The following PRKCB variants were observed in gnomAD, a reference collection of about 807,000 sequenced individuals.
The protein encoded by PRKCB is protein kinase C beta.
In PRKCB, 13 loss-of-function variants were observed where a neutral mutation model predicts 81.5. The ratio of observed to expected loss-of-function variants is 0.16; its 90% CI spans 0.10 to 0.25. The LOEUF is 0.25. Among genes scored for constraint, PRKCB ranks in the 10% least tolerant of loss-of-function variants. The pLI is 1.00. For missense variants in PRKCB, 509 were observed against 875.7 expected (o/e 0.58, Z 5.29); for synonymous variants, 335 against 321.4 (o/e 1.04, Z -0.45).
intron 2 of PRKCB, among the ~76,000 whole-genome samples, chr16:23,889,231 T>C (rs1963253312): frequency 6.6e-6 from 1 of 152,144 alleles, no homozygotes; most frequent in South Asian, 2.1e-4. Context: ...GTTATCCTGC[T>C]TAGGTTTGAA....
At position 23,981,675 on chromosome 16, in the gene PRKCB, C is replaced by CCCCTTCCCTTCCCCTTCCCCTT. The variant is rs1275962383; in HGVS notation, c.206-6825_206-6824insTTCCCCTTCCCCTTCCCTTCCC. 7.0e-5 allele frequency among the ~76,000 whole-genome samples: 7 copies of CCCCTTCCCTTCCCCTTCCCCTT among 99,656 alleles called. 1 individual carries two copies. Among genetic ancestry groups the CCCCTTCCCTTCCCCTTCCCCTT allele is most frequent in the African/African-American group, 3.1e-4 (7 of 22,578 alleles). The allele number at this position is 99,656 out of a possible 152,430, so 65.4% of individuals were successfully genotyped here. A position where few individuals can be genotyped will look rare whatever the true frequency, so the allele number is the denominator to read the frequency against. On this transcript the variant is annotated intron_variant, in intron 2 of 16. Coordinates refer to ENST00000643927, the MANE Select transcript of PRKCB (RefSeq NM_002738.7). ...TCCCTTCCTTTTTTCCCTTTCTCTT[C>CCCCTTCCCTTCCCCTTCCCCTT]CCCTTCCCCTTCCCTTCCCCTTCCC...
At chr16:24,124,029 C>T (rs781201941) in intron 9 of PRKCB, 48 bp downstream of exon 9, 2 of 1,607,448 alleles carry the variant, frequency 1.2e-6, no homozygotes, top group Non-Finnish European at 1.7e-6. Flanking sequence ...GAACATCTAA[C>T]AACACAGGCA....
intron 3 of PRKCB, among the ~76,000 whole-genome samples, chr16:23,996,722 G>T (rs1369620186): frequency 6.6e-6 from 1 of 152,176 alleles, no homozygotes; most frequent in Non-Finnish European, 1.5e-5. Context: ...AAAGAGGTGG[G>T]CAGTGAACTC....
chr16:24,172,161 C>A, intron 10 of PRKCB, 109 bp from the exon 11 acceptor site: 1 of 775,210 alleles, frequency 1.3e-6, no homozygotes, highest in South Asian at 1.6e-5. Context: ...AGGGATCTGT[C>A]AGAGAGCCCT....
intron 5 of PRKCB, among the ~76,000 whole-genome samples, chr16:24,078,922 C>A (rs185969285): frequency 2.4e-4 from 37 of 152,254 alleles, no homozygotes; most frequent in African/African-American, 7.9e-4. Flanking sequence ...GCTTCTGGGT[C>A]CCAGGAGGAC....
intron 2 of PRKCB, among the ~76,000 whole-genome samples, chr16:23,950,132 A>AG (rs55986931): frequency 0.031 from 3,020 of 97,752 alleles, 562 homozygotes; most frequent in African/African-American, 0.052. Flanking sequence ...TATGATTTGA[A>AG]TTTTTTTTTT....
At chr16:24,006,266 C>G (rs556664181) in intron 3 of PRKCB, among the ~76,000 whole-genome samples, 1 of 152,336 alleles carries the variant, frequency 6.6e-6, no homozygotes, top group African/African-American at 2.4e-5. Flanking sequence ...ATTGGCCTCT[C>G]TAGCTCAGAG....
chr16:23,891,647 CA>C (rs752128217), intron 2 of PRKCB, among the ~76,000 whole-genome samples: 44 of 152,132 alleles, frequency 2.9e-4, no homozygotes, highest in Non-Finnish European at 5.4e-4. Context: ...CCCAGTTCAA[CA>C]AAGAAGGGTG....
chr16:23,875,642 T>C lies in PRKCB; in HGVS notation c.205+38236T>C, dbSNP rs111778835. On this transcript the variant is annotated intron_variant, in intron 2 of 16. Coordinates refer to ENST00000643927, the MANE Select transcript of PRKCB (RefSeq NM_002738.7). ...CATATATGTATGTATATCACACATA[T>C]ATGTATGTATATCACACATATATAT... 2.7e-3 allele frequency among the ~76,000 whole-genome samples: 252 copies of C among 94,432 alleles called. 23 individuals carry two copies. The highest frequency in any genetic ancestry group is 7.4e-3 in the African/African-American group (183 of 24,572). The allele number at this position is 94,432 out of a possible 152,430, so 62.0% of individuals were successfully genotyped here. A position where few individuals can be genotyped will look rare whatever the true frequency, so the allele number is the denominator to read the frequency against.
chr16:24,122,146 T>C (rs1966805303), intron 8 of PRKCB, among the ~76,000 whole-genome samples: 1 of 152,142 alleles, frequency 6.6e-6, no homozygotes, highest in African/African-American at 2.4e-5. Flanking sequence ...ATGTAGGGTG[T>C]TCAGGGAAGA....
At chr16:23,868,237 G>C (rs1962840413) in intron 2 of PRKCB, among the ~76,000 whole-genome samples, 2 of 152,158 alleles carry the variant, frequency 1.3e-5, no homozygotes, top group South Asian at 4.1e-4. Flanking sequence ...GCAAGGTCAG[G>C]CCATCCCTGT....
chr16:24,216,059 TA>T lies in PRKCB; in HGVS notation c.*1246del, dbSNP rs1278672177. ...CTGCTCTTTTTGAGAAACGTGGACCTAAACTACAAAGTGGGAACTGAGGAGG... is the reference window on the plus strand; with the variant it reads ...CTGCTCTTTTTGAGAAACGTGGACCTAACTACAAAGTGGGAACTGAGGAGG... On this transcript the variant is annotated 3_prime_UTR_variant, in exon 17 of 17. Transcript: ENST00000643927. 2 of 984,752 alleles carry T rather than the reference TA, an allele frequency of 2.0e-6. No individual in the cohort carries two copies. The highest frequency in any genetic ancestry group is 1.1e-4 in the East Asian group (1 of 8,812). 61.0% of individuals were successfully genotyped at this position (984,752 alleles called of 1,614,324 possible). A position where few individuals can be genotyped will look rare whatever the true frequency, so the allele number is the denominator to read the frequency against.
At chr16:24,071,165 C>T (rs949602689) in intron 5 of PRKCB, among the ~76,000 whole-genome samples, 1 of 152,064 alleles carries the variant, frequency 6.6e-6, no homozygotes, top group Non-Finnish European at 1.5e-5. Flanking sequence ...AGGGGAGGAG[C>T]TTAATGACCT....
chr16:23,877,801 T>G (rs2141105312), intron 2 of PRKCB, among the ~76,000 whole-genome samples: 1 of 152,162 alleles, frequency 6.6e-6, no homozygotes, highest in East Asian at 1.9e-4. Flanking sequence ...TATTTAAGAC[T>G]GACAGTACTC....
At chr16:24,170,607 G>A (rs904955879) in intron 10 of PRKCB, among the ~76,000 whole-genome samples, 1 of 152,112 alleles carries the variant, frequency 6.6e-6, no homozygotes, top group Non-Finnish European at 1.5e-5. Flanking sequence ...GGAGAGAAAC[G>A]AGTCACATAT....
chr16:23,856,509 T>TAGATATTGTTTC (rs1962570070), intron 2 of PRKCB, among the ~76,000 whole-genome samples: 1 of 143,246 alleles, frequency 7.0e-6, no homozygotes, highest in Non-Finnish European at 1.5e-5. Flanking sequence ...TCAGGAAGGG[T>TAGATATTGTTTC]AGATATTGTT....
chr16:23,900,718 G>GTTTTTTTT lies in PRKCB; in HGVS notation c.205+63337_205+63344dup, dbSNP rs56897816. The stretch of plus-strand genomic sequence containing the variant: ...CTCATTCATTTTAACAGCTGCACAG[G>GTTTTTTTT]TTTTTTTTTTTTTTTTTTTTTTTTT... On this transcript the variant is annotated intron_variant, in intron 2 of 16. Coordinates refer to ENST00000643927, the MANE Select transcript of PRKCB (RefSeq NM_002738.7). Among the ~76,000 whole-genome samples the GTTTTTTTT allele has an allele frequency of 2.1e-3, 128 of 62,272 alleles. 16 individuals carry two copies. The highest frequency in any genetic ancestry group is 8.3e-3 in the African/African-American group (119 of 14,282). The allele number at this position is 62,272 out of a possible 152,430, so 40.9% of individuals were successfully genotyped here.
chr16:23,836,729 T>C lies in PRKCB; in HGVS notation c.173+381T>C, dbSNP rs937126330. The stretch of plus-strand genomic sequence containing the variant: ...GGGGTTCCCTATCTCTCCGCCTGCT[T>C]CCGGGCGCGAGGAGCCCTCGCCCCC... On this transcript the variant is annotated intron_variant, in intron 1 of 16. Coordinates refer to ENST00000643927, the MANE Select transcript of PRKCB (RefSeq NM_002738.7). Among the ~76,000 whole-genome samples, 4 of 147,806 alleles carry C rather than the reference T, an allele frequency of 2.7e-5. No individual in the cohort carries two copies. The East Asian group carries it at 6.2e-4, about 23-fold the overall frequency.
chr16:23,846,379 G>A (rs1253159080), intron 2 of PRKCB, among the ~76,000 whole-genome samples: 1 of 152,076 alleles, frequency 6.6e-6, no homozygotes, highest in Non-Finnish European at 1.5e-5. Context: ...GGAGGCTGAG[G>A]TGGGTGGATC....
Sources: allele counts gnomAD v4.1 joint callset (sites outside exome capture counted in the v4.1 genomes callset), GRCh38; gene constraint gnomAD v4.1.1; transcripts MANE v1.5; gene names NCBI Gene and HGNC (gene_info 2026-07-23, HGNC 2026-07-21).